Variants in DOP1B observed in about 807,000 individuals in gnomAD.
The protein encoded by DOP1B is protein DOP1B.
Under a neutral mutation model 233.5 loss-of-function variants are expected in DOP1B, and 174 were observed. That is an observed-to-expected ratio of 0.75 (90% CI 0.66 to 0.85). DOP1B has a LOEUF of 0.85. Ranked by LOEUF, DOP1B falls within the 40% of genes least tolerant of loss-of-function variation. The probability of loss-of-function intolerance (pLI) is 0.00; values close to 1 mark genes in which losing one functional copy is unlikely to be tolerated. For synonymous variants in DOP1B, 1,190 were observed against 1,185.6 expected (o/e 1.00, Z -0.08); for missense variants, 2,652 against 2,846.6 (o/e 0.93, Z 1.56).
At chr21:36,226,317 G>A (rs536165178) in intron 12 of DOP1B, among the ~76,000 whole-genome samples, 48 of 148,450 alleles carry the variant, frequency 3.2e-4, no homozygotes, top group Non-Finnish European at 5.6e-4. Flanking sequence ...TTTCTCCTGT[G>A]ACAGAGTTTT....
rs2066073272 is a variant in DOP1B at position 36,179,702 on chromosome 21, G to A, written c.138+14831G>A. The stretch of plus-strand genomic sequence containing the variant: ...TATAAATAAGGGGGAAGAAAGGACA[G>A]GCGAACAGTTTACATATAGCCCACT... On this transcript the variant is annotated intron_variant, in intron 2 of 36. Transcript: ENST00000691173. 2.0e-5 allele frequency among the ~76,000 whole-genome samples: 3 copies of A among 152,120 alleles called. No individual in the cohort carries two copies. The South Asian group carries it at 6.2e-4, about 32-fold the overall frequency.
At chr21:36,165,718 CT>C (rs66857645) in intron 2 of DOP1B, among the ~76,000 whole-genome samples, 2,734 of 132,868 alleles carry the variant, frequency 0.021, 60 homozygotes, top group African/African-American at 0.066. Flanking sequence ...TTAGGAGAAT[CT>C]TTTTTTTTTT....
chr21:36,292,062 GC>G (rs2067565289), intron 35 of DOP1B, 41 bp from the exon 36 acceptor site: 2 of 1,550,216 alleles, frequency 1.3e-6, no homozygotes, highest in South Asian at 2.4e-5. Context: ...GACGTTGAAG[GC>G]CTCTTACCAG....
rs1328476366 is a variant in DOP1B at position 36,238,703 on chromosome 21, T to C, written c.2876+2T>C. The C allele has an allele frequency of 6.2e-7, 1 of 1,613,966 alleles. No individual in the cohort carries two copies. The highest frequency in any genetic ancestry group is 1.7e-5 in the Admixed American group (1 of 59,994). ...ATCTCACAATCGCTCCTTTGATAGG[T>C]GAGGCGGCCTTCGTTATGATCTACC... On this transcript the variant is annotated splice_donor_variant, in intron 17 of 36. Coordinates refer to ENST00000691173, the MANE Select transcript of DOP1B (RefSeq NM_001320714.2). LOFTEE classifies it high-confidence loss of function.
chr21:36,234,573 CAG>C (rs1245782122), intron 15 of DOP1B, among the ~76,000 whole-genome samples: 14 of 150,874 alleles, frequency 9.3e-5, no homozygotes, highest in Non-Finnish European at 1.8e-4. Context: ...TTCCTTGAGA[CAG>C]AGTCTTGCTC....
At chr21:36,286,591 G>A (rs2067485911) in intron 32 of DOP1B, among the ~76,000 whole-genome samples, 1 of 151,322 alleles carries the variant, frequency 6.6e-6, no homozygotes, top group South Asian at 2.1e-4. Flanking sequence ...AGCCGAGATC[G>A]CACCACTGTA....
At chr21:36,243,339 T>C (rs552833305) in intron 18 of DOP1B, among the ~76,000 whole-genome samples, 1 of 151,984 alleles carries the variant, frequency 6.6e-6, no homozygotes, top group South Asian at 2.1e-4. Flanking sequence ...CAAAGACTTT[T>C]GACTCACTAA....
At chr21:36,260,207 G>A (rs1333009401) in intron 23 of DOP1B, among the ~76,000 whole-genome samples, 4 of 147,592 alleles carry the variant, frequency 2.7e-5, no homozygotes, top group African/African-American at 1.0e-4. Flanking sequence ...AAAGGAAAGG[G>A]AAGGGAAGGG....
chr21:36,250,648 A>G lies in DOP1B; in HGVS notation c.4999-514A>G, dbSNP rs778370482. On this transcript the variant is annotated intron_variant, in intron 21 of 36. Transcript: ENST00000691173. ...GAGGGTGCTGAGTGACATCAGGACCATGTTACAGGTTTAAATTGATTACCT... is the reference window on the plus strand; with the variant it reads ...GAGGGTGCTGAGTGACATCAGGACCGTGTTACAGGTTTAAATTGATTACCT... Among the ~76,000 whole-genome samples, 5 of 152,348 alleles carry G rather than the reference A, an allele frequency of 3.3e-5. No homozygotes were observed. The South Asian group carries it at 1.0e-3, about 32-fold the overall frequency.
At chr21:36,218,240 A>C (rs2123510188) in intron 9 of DOP1B, among the ~76,000 whole-genome samples, 1 of 152,344 alleles carries the variant, frequency 6.6e-6, no homozygotes, top group East Asian at 1.9e-4. Context: ...TAAAATACAC[A>C]GGAAGCCAAG....
chr21:36,219,276 G>T lies in DOP1B; in HGVS notation c.1130-96G>T, dbSNP rs191329556. 1.1e-4 allele frequency: 158 copies of T among 1,486,282 alleles called. No individual in the cohort carries two copies. The African/African-American group carries it at 1.9e-3, about 18-fold the overall frequency. 92.1% of individuals were successfully genotyped at this position (1,486,282 alleles called of 1,614,324 possible). ...CTATATAAAATGTCTGTCTGCACAG[G>T]TTTACTGTATATATGTCTTATGTAT... is the stretch of plus-strand genomic sequence containing the variant. On this transcript the variant is annotated intron_variant, in intron 9 of 36. Transcript: ENST00000691173.
chr21:36,201,365 T>TTTTTTTTTG (rs2066364781), intron 4 of DOP1B, among the ~76,000 whole-genome samples: 1 of 147,180 alleles, frequency 6.8e-6, no homozygotes, highest in Non-Finnish European at 1.5e-5. Context: ...TTTTTTTTTT[T>TTTTTTTTTG]GAGACAGAGT....
At chr21:36,169,367 T>G (rs1313997084) in intron 2 of DOP1B, 1 of 815,986 alleles carries the variant, frequency 1.2e-6, no homozygotes, top group East Asian at 2.4e-5. Context: ...ATGGTCGCCT[T>G]TCTGCCCAGC....
At chr21:36,287,743 C>A (rs569343528) in intron 32 of DOP1B, among the ~76,000 whole-genome samples, 1 of 151,772 alleles carries the variant, frequency 6.6e-6, no homozygotes, top group African/African-American at 2.4e-5. Context: ...CCCACCACCA[C>A]GCCCGACTAA....
intron 10 of DOP1B, among the ~76,000 whole-genome samples, chr21:36,221,309 A>AT (rs1338338336): frequency 3.3e-5 from 5 of 151,892 alleles, no homozygotes; most frequent in Admixed American, 1.3e-4. Flanking sequence ...CCTGGCCAAC[A>AT]TGACAAAACC....
intron 2 of DOP1B, among the ~76,000 whole-genome samples, chr21:36,190,296 G>A (rs561854442): frequency 4.4e-4 from 67 of 151,968 alleles, no homozygotes; most frequent in African/African-American, 1.6e-3. Flanking sequence ...CTGCACTCCA[G>A]TGTTGGGGGA....
intron 11 of DOP1B, among the ~76,000 whole-genome samples, chr21:36,224,630 G>A (rs1452671199): frequency 6.6e-6 from 1 of 151,634 alleles, no homozygotes; most frequent in African/African-American, 2.4e-5. Flanking sequence ...TGGCTTTGCT[G>A]TTGCCTGTGG....
At chr21:36,188,885 T>A (rs1040626861) in intron 2 of DOP1B, among the ~76,000 whole-genome samples, 2 of 152,334 alleles carry the variant, frequency 1.3e-5, no homozygotes, top group South Asian at 4.1e-4. Flanking sequence ...AAATGAAACA[T>A]AATTCTGTCC....
At chr21:36,183,460 A>T (rs541119961) in intron 2 of DOP1B, among the ~76,000 whole-genome samples, 1 of 152,134 alleles carries the variant, frequency 6.6e-6, no homozygotes, top group Admixed American at 6.5e-5. Flanking sequence ...ACCATCCTCA[A>T]CCCGAGAGCC....
Sources: allele counts gnomAD v4.1 joint callset (sites outside exome capture counted in the v4.1 genomes callset), GRCh38; gene constraint gnomAD v4.1.1; transcripts MANE v1.5; gene names NCBI Gene and HGNC (gene_info 2026-07-23, HGNC 2026-07-21).